RBL1: variants seen among roughly 807,000 people sequenced by gnomAD.
RBL1 encodes retinoblastoma-like protein 1.
In RBL1, 82 loss-of-function variants were observed where a neutral mutation model predicts 123.0. The observed-to-expected ratio is 0.67, with a 90% confidence interval of 0.56 to 0.80. RBL1 has a LOEUF of 0.80. RBL1 is among the 30% of genes least tolerant of loss of function. The pLI is 0.00. For missense variants in RBL1, 1,171 were observed against 1,299.6 expected (o/e 0.90, Z 1.52); for synonymous variants, 405 against 441.3 (o/e 0.92, Z 1.03).
chr20:37,055,711 T>C, intron 10 of RBL1, 55 bp from the exon 11 acceptor site: 3 of 1,489,666 alleles, frequency 2.0e-6, no homozygotes, highest in Non-Finnish European at 2.7e-6. Flanking sequence ...TGTTAAGGAC[T>C]GAAAAGCAAA....
chr20:37,012,658 C>T (rs1301365083), intron 19 of RBL1, among the ~76,000 whole-genome samples: 4 of 146,110 alleles, frequency 2.7e-5, no homozygotes, highest in African/African-American at 8.3e-5. Context: ...TGAGGAGCGT[C>T]TCCGCCCGGC....
Position 37,068,978 on chromosome 20 carries a change from GC to G in RBL1, c.291-793del, listed in dbSNP as rs1374667373. Among the ~76,000 whole-genome samples, 3 of 152,378 alleles carry G rather than the reference GC, an allele frequency of 2.0e-5. No individual in the cohort carries two copies. In the East Asian group the frequency reaches 5.8e-4, roughly 29 times the overall value. ...ATTCTCCTGACTCAGCCTGCCGAGT[GC>G]CTGCGATTGCAGGCTCGGGCCGCCA... is the stretch of plus-strand genomic sequence containing the variant. On this transcript the variant is annotated intron_variant, in intron 2 of 21. Coordinates refer to ENST00000373664, the MANE Select transcript of RBL1 (RefSeq NM_002895.5).
At chr20:37,049,501 C>G in intron 11 of RBL1, 1 of 755,118 alleles carries the variant, frequency 1.3e-6, no homozygotes, top group South Asian at 1.4e-5. Context: ...TTACACCACT[C>G]CCAAGAAGAG....
chr20:37,084,156 T>A (rs946163555), intron 2 of RBL1, among the ~76,000 whole-genome samples: 11 of 152,024 alleles, frequency 7.2e-5, no homozygotes, highest in Non-Finnish European at 1.5e-4. Context: ...CGCCTTGGCC[T>A]CCCAAAGTGC....
At chr20:37,009,095 G>A (rs1187303683) in intron 19 of RBL1, among the ~76,000 whole-genome samples, 5 of 151,908 alleles carry the variant, frequency 3.3e-5, no homozygotes, top group African/African-American at 1.2e-4. Flanking sequence ...TGCAATCTCG[G>A]CTCACTGCAG....
intron 2 of RBL1, among the ~76,000 whole-genome samples, chr20:37,084,096 C>T (rs2065502279): frequency 6.6e-6 from 1 of 151,682 alleles, no homozygotes. Flanking sequence ...AACAGGGTAT[C>T]ACCCTGTTGC....
intron 18 of RBL1, among the ~76,000 whole-genome samples, chr20:37,019,892 C>A (rs1250433761): frequency 6.6e-6 from 1 of 152,152 alleles, no homozygotes. Flanking sequence ...TGAAAGGTTT[C>A]ATGGAATTTT....
Position 37,080,984 on chromosome 20 carries a change from C to T in RBL1, c.290+8005G>A, listed in dbSNP as rs182492421. Among the ~76,000 whole-genome samples, 3 of 152,268 alleles carry T rather than the reference C, an allele frequency of 2.0e-5. No homozygotes were observed. The East Asian group carries it at 5.8e-4, about 29-fold the overall frequency. ...ATACCTGTATGCATTGGGTGAAATC[C>T]TCTCTTCCTGAAGTCCCCAAAAATA... On this transcript the variant is annotated intron_variant, in intron 2 of 21. Transcript: ENST00000373664.
chr20:36,999,001 T>C (rs905280446), intron 21 of RBL1, 72 bp from the exon 22 acceptor site: 54 of 1,417,324 alleles, frequency 3.8e-5, no homozygotes. Flanking sequence ...CCAAGCTAAT[T>C]GTTTTTTCCT....
In RBL1 at chr20:37,055,594, T is replaced by C. The variant is rs760861751; in HGVS notation, c.1426A>G (p.Met476Val). Residue 476 changes from methionine to valine, a missense_variant, in exon 11 of 22, where the codon ATG becomes GTG. By Grantham distance (21) the Met-to-Val change is conservative. Coordinates refer to ENST00000373664, the MANE Select transcript of RBL1 (RefSeq NM_002895.5). ...TGAAGTCTTCGTGTTTCCTGAACCA[T>C]TACAGTCTCTAGTATTTTATAATAC... ...ILYYKILETVMVQETRRLHGM... is the reference protein window; with the variant it reads ...ILYYKILETVVVQETRRLHGM... 1 of 1,614,132 alleles carries C rather than the reference T, an allele frequency of 6.2e-7. No individual in the cohort carries two copies. The highest frequency in any genetic ancestry group is 1.3e-5 in the African/African-American group (1 of 75,046).
chr20:37,019,856 G>A (rs1374735923), intron 18 of RBL1, among the ~76,000 whole-genome samples: 1 of 152,088 alleles, frequency 6.6e-6, no homozygotes, highest in East Asian at 1.9e-4. Flanking sequence ...TGCTTATTGT[G>A]TGCCAGTCCA....
chr20:37,022,584 C>G, intron 17 of RBL1, 66 bp downstream of exon 17: 1 of 1,431,168 alleles, frequency 7.0e-7, no homozygotes, highest in Non-Finnish European at 9.4e-7. Flanking sequence ...ACCTTGACCT[C>G]CGAAAGTGCT....
chr20:37,085,605 C>T (rs2065530051), intron 2 of RBL1, among the ~76,000 whole-genome samples: 1 of 151,924 alleles, frequency 6.6e-6, no homozygotes, highest in Non-Finnish European at 1.5e-5. Flanking sequence ...GCAACCATCA[C>T]CACTGTCCAT....
intron 1 of RBL1, among the ~76,000 whole-genome samples, chr20:37,091,717 T>C (rs549903210): frequency 2.7e-5 from 4 of 145,760 alleles, no homozygotes; most frequent in African/African-American, 1.0e-4. Flanking sequence ...CACAACACAA[T>C]AGTGTTCTTA....
intron 7 of RBL1, among the ~76,000 whole-genome samples, chr20:37,063,993 T>G (rs1262020174): frequency 6.6e-6 from 1 of 151,448 alleles, no homozygotes; most frequent in Non-Finnish European, 1.5e-5. Flanking sequence ...TGGCTGATTT[T>G]GTATTTTTTG....
At chr20:37,045,725 T>A (rs2064809442) in intron 12 of RBL1, among the ~76,000 whole-genome samples, 1 of 152,136 alleles carries the variant, frequency 6.6e-6, no homozygotes, top group Admixed American at 6.6e-5. Flanking sequence ...TTAAAGTGAG[T>A]GTATAGTAGA....
At chr20:37,032,929 T>C in intron 15 of RBL1, 53 bp from the exon 16 acceptor site, 1 of 1,599,398 alleles carries the variant, frequency 6.3e-7, no homozygotes, top group South Asian at 1.1e-5. Context: ...AGGAAAGTTG[T>C]CAACTATATA....
intron 19 of RBL1, among the ~76,000 whole-genome samples, chr20:37,017,295 C>G (rs879919437): frequency 2.6e-5 from 4 of 151,780 alleles, no homozygotes; most frequent in Non-Finnish European, 5.9e-5. Context: ...ATTGATTGAG[C>G]CTGGGATGTC....
At chr20:37,089,296 A>G (rs746183940) in intron 1 of RBL1, among the ~76,000 whole-genome samples, 174 bp from the exon 2 acceptor site, 12 of 152,214 alleles carry the variant, frequency 7.9e-5, no homozygotes, top group Non-Finnish European at 1.6e-4. Flanking sequence ...AGTAATGGGT[A>G]TAAAACTCCT....
Sources: allele counts gnomAD v4.1 joint callset (sites outside exome capture counted in the v4.1 genomes callset), GRCh38; gene constraint gnomAD v4.1.1; transcripts MANE v1.5; gene names NCBI Gene and HGNC (gene_info 2026-07-23, HGNC 2026-07-21).